TNFRSF12A: variants seen among roughly 807,000 people sequenced by gnomAD.
The protein encoded by TNFRSF12A is tumor necrosis factor receptor superfamily member 12A.
In TNFRSF12A, 13 loss-of-function variants were observed where a neutral mutation model predicts 15.5. The ratio of observed to expected loss-of-function variants is 0.84; its 90% CI spans 0.54 to 1.33. TNFRSF12A has a LOEUF of 1.33. TNFRSF12A is among the 40% of genes most tolerant of loss of function. TNFRSF12A has a pLI of 0.00. For missense variants in TNFRSF12A, 174 were observed against 173.6 expected, an observed-to-expected ratio of 1.00 and a Z score of -0.01; for synonymous variants, 89 against 78.4, an observed-to-expected ratio of 1.14 and a Z score of -0.71.
At chr16:3,020,610 C>A (rs944160024) in intron 1 of TNFRSF12A, 119 bp downstream of exon 1, 9 of 644,992 alleles carry the variant, frequency 1.4e-5, no homozygotes, top group Non-Finnish European at 2.0e-5. Flanking sequence ...GGTCAGGTGG[C>A]CTTCAAACAG....
chr16:3,021,929 A>C lies in TNFRSF12A; in HGVS notation c.*103A>C. On this transcript the variant is annotated 3_prime_UTR_variant, in exon 4 of 4. Transcript: ENST00000326577. ...ACGCGGCGGGAGCCAAGCTCCTCCA[A>C]CCACAAGGGGGGTGGGGGGCGGTGA... 11 of 1,308,006 alleles carry C rather than the reference A, an allele frequency of 8.4e-6. No homozygotes were observed. The highest frequency in any genetic ancestry group is 1.3e-5 in the South Asian group (1 of 75,130). The allele number at this position is 1,308,006 out of a possible 1,614,324, so 81.0% of individuals were successfully genotyped here.
In TNFRSF12A at chr16:3,021,857, C is replaced by T. The variant is rs568515706; in HGVS notation, c.*31C>T. The T allele has an allele frequency of 1.2e-6, 2 of 1,606,806 alleles. No homozygotes were observed. Among genetic ancestry groups the T allele is most frequent in the Admixed American group, 1.7e-5 (1 of 59,642 alleles). ...TGCCCCCTGCCAGCCGGGGCTCGCCCACTCATCATTCATTCATCCATTCTA... is the reference window on the plus strand; with the variant it reads ...TGCCCCCTGCCAGCCGGGGCTCGCCTACTCATCATTCATTCATCCATTCTA... On this transcript the variant is annotated 3_prime_UTR_variant, in exon 4 of 4. Transcript: ENST00000326577.
chr16:3,021,198 C>T lies in TNFRSF12A; in HGVS notation c.95-17C>T. 2 of 1,484,830 alleles carry T rather than the reference C, an allele frequency of 1.3e-6. No homozygotes were observed. The highest frequency in any genetic ancestry group is 1.8e-6 in the Non-Finnish European group (2 of 1,095,064). The allele number at this position is 1,484,830 out of a possible 1,614,324, so 92.0% of individuals were successfully genotyped here. On this transcript the variant is annotated splice_polypyrimidine_tract_variant and intron_variant, in intron 1 of 3. Coordinates refer to ENST00000326577, the MANE Select transcript of TNFRSF12A (RefSeq NM_016639.3). ...CGAGTCCCGCCCCCAGCCTCTGACC[C>T]GAGGCCCCCTCCCCAGGCACCGCCC...
rs997728231 is a variant in TNFRSF12A, at chr16:3,020,974, G to C, written c.95-241G>C. 5.3e-5 allele frequency: 26 copies of C among 490,864 alleles called. No homozygotes were observed. The Admixed American group carries it at 1.0e-3, about 19-fold the overall frequency. 30.4% of individuals were successfully genotyped at this position (490,864 alleles called of 1,614,324 possible). On this transcript the variant is annotated intron_variant, in intron 1 of 3. Transcript: ENST00000326577. ...GACTGGGGTCGGGCCCGGTGCCCAG[G>C]AGTGAGTCACCCGCCGGCGGCAGGG...
Position 3,022,102 on chromosome 16 carries a change from G to C in TNFRSF12A, c.*276G>C. On this transcript the variant is annotated 3_prime_UTR_variant, in exon 4 of 4. Transcript: ENST00000326577. ...CTAAGGAACTGCAGCATTTGCACAGGGGAGGGGGGTGCCCTCCTTCCTAGA... is the reference window on the plus strand; with the variant it reads ...CTAAGGAACTGCAGCATTTGCACAGCGGAGGGGGGTGCCCTCCTTCCTAGA... 2.1e-6 allele frequency: 1 copy of C among 467,522 alleles called. No individual in the cohort carries two copies. Among genetic ancestry groups the C allele is most frequent in the Non-Finnish European group, 3.7e-6 (1 of 266,692 alleles). 29.0% of individuals were successfully genotyped at this position (467,522 alleles called of 1,614,324 possible).
At chr16:3,021,395 G>C in intron 2 of TNFRSF12A, 76 bp downstream of exon 2, 3 of 1,434,770 alleles carry the variant, frequency 2.1e-6, no homozygotes, top group Non-Finnish European at 9.2e-7. Context: ...GAGCGGGGCC[G>C]AGAGCTTTGC....
chr16:3,021,364 A>G, intron 2 of TNFRSF12A, 45 bp downstream of exon 2: 2 of 1,489,482 alleles, frequency 1.3e-6, no homozygotes, highest in Non-Finnish European at 9.0e-7. Flanking sequence ...CCAGACTGGG[A>G]GGGAGGGTGG....
Position 3,021,832 on chromosome 16 carries a change from T to C in TNFRSF12A, c.*6T>C. 1 of 1,612,420 alleles carries C rather than the reference T, an allele frequency of 6.2e-7. No individual in the cohort carries two copies. The highest frequency in any genetic ancestry group is 1.1e-5 in the South Asian group (1 of 90,984). On this transcript the variant is annotated 3_prime_UTR_variant, in exon 4 of 4. Coordinates refer to ENST00000326577, the MANE Select transcript of TNFRSF12A (RefSeq NM_016639.3). ...CTGTGGCGCTGATCCAGTGACAATG[T>C]GCCCCCTGCCAGCCGGGGCTCGCCC...
chr16:3,020,509 G>C lies in TNFRSF12A; in HGVS notation c.94+18G>C. The C allele has an allele frequency of 7.8e-7, 1 of 1,287,124 alleles. No homozygotes were observed. The highest frequency in any genetic ancestry group is 2.9e-5 in the East Asian group (1 of 34,844). 79.7% of individuals were successfully genotyped at this position (1,287,124 alleles called of 1,614,324 possible). On this transcript the variant is annotated intron_variant, in intron 1 of 3. Transcript: ENST00000326577. ...AGCGCCAGGTACGCGGGACTCCGGG[G>C]TCGGGGAACCCCGGGCCGGGGCTCG...
In TNFRSF12A at chr16:3,021,777, T is replaced by C. The variant is rs774265683; in HGVS notation, c.341T>C (p.Ile114Thr). 1.2e-6 allele frequency: 2 copies of C among 1,613,202 alleles called. No individual in the cohort carries two copies. The highest frequency in any genetic ancestry group is 4.5e-5 in the East Asian group (2 of 44,868). The stretch of plus-strand genomic sequence containing the variant: ...CCCACCTCTTATCTTGCAGCCCCCA[T>C]AGAGGAGACCGGCGGAGAGGGCTGC... ...CRRREKFTTP[I>T]EETGGEGCPA... The change falls in exon 4 of 4, where the codon ATA becomes ACA. Residue 114 changes from isoleucine (I) to threonine (T), a missense_variant. By Grantham distance (89) the Ile-to-Thr change is moderately conservative. Transcript: ENST00000326577.
In TNFRSF12A at chr16:3,021,300, C is replaced by A. The variant is rs1008575216; in HGVS notation, c.180C>A (p.His60Gln). Residue 60 changes from histidine to glutamine, a missense_variant, in exon 2 of 4, where the codon CAC becomes CAA. Transcript: ENST00000326577. Reference sequence around the variant, plus strand: ...GCGCGTCTTGCAGGGCGCGACCGCACAGCGACTTCTGCCTGGGCTGTGAGT... The same window carrying A: ...GCGCGTCTTGCAGGGCGCGACCGCAAAGCGACTTCTGCCTGGGCTGTGAGT... ...MDCASCRARP[H>Q]SDFCLGCAAA... 3.2e-6 allele frequency: 5 copies of A among 1,585,500 alleles called. No homozygotes were observed. The African/African-American group carries it at 5.4e-5, about 17-fold the overall frequency.
rs1451864850 is a variant in TNFRSF12A at position 3,022,110 on chromosome 16, G to C, written c.*284G>C. Reference sequence around the variant, plus strand: ...CTGCAGCATTTGCACAGGGGAGGGGGGTGCCCTCCTTCCTAGAGGCCCTGG... The same window carrying C: ...CTGCAGCATTTGCACAGGGGAGGGGCGTGCCCTCCTTCCTAGAGGCCCTGG... On this transcript the variant is annotated 3_prime_UTR_variant, in exon 4 of 4. Transcript: ENST00000326577. 1 of 452,456 alleles carries C rather than the reference G, an allele frequency of 2.2e-6. No individual in the cohort carries two copies. Among genetic ancestry groups the C allele is most frequent in the African/African-American group, 2.0e-5 (1 of 49,258 alleles). The allele number at this position is 452,456 out of a possible 1,614,324, so 28.0% of individuals were successfully genotyped here. A position where few individuals can be genotyped will look rare whatever the true frequency, so the allele number is the denominator to read the frequency against.
Position 3,021,958 on chromosome 16 carries a change from A to C in TNFRSF12A, c.*132A>C, listed in dbSNP as rs1451785144. ...CAAGGGGGGTGGGGGGCGGTGAATCACCTCTGAGGCCTGGGCCCAGGGTTC... is the reference window on the plus strand; with the variant it reads ...CAAGGGGGGTGGGGGGCGGTGAATCCCCTCTGAGGCCTGGGCCCAGGGTTC... On this transcript the variant is annotated 3_prime_UTR_variant, in exon 4 of 4. Coordinates refer to ENST00000326577, the MANE Select transcript of TNFRSF12A (RefSeq NM_016639.3). The C allele has an allele frequency of 1.0e-6, 1 of 994,624 alleles. No individual in the cohort carries two copies. The highest frequency in any genetic ancestry group is 1.5e-6 in the Non-Finnish European group (1 of 683,894). The allele number at this position is 994,624 out of a possible 1,614,324, so 61.6% of individuals were successfully genotyped here. A position where few individuals can be genotyped will look rare whatever the true frequency, so the allele number is the denominator to read the frequency against.
Position 3,021,560 on chromosome 16 carries a change from G to T in TNFRSF12A, c.205G>T (p.Ala69Ser). 6.2e-7 allele frequency: 1 copy of T among 1,606,750 alleles called. No individual in the cohort carries two copies. The highest frequency in any genetic ancestry group is 8.5e-7 in the Non-Finnish European group (1 of 1,176,552). ...PHSDFCLGCAAAPPAPFRLLW... is the reference protein window; with the variant it reads ...PHSDFCLGCASAPPAPFRLLW... ...ACTCCGAGTCCCGCCCCCAGGCGCT[G>T]CAGCACCTCCTGCCCCCTTCCGGCT... is the stretch of plus-strand genomic sequence containing the variant. Residue 69 changes from alanine (A) to serine (S), a missense_variant, in exon 3 of 4, where the codon GCA becomes TCA. Ala to Ser is a moderately conservative substitution (Grantham distance 99, BLOSUM62 1). Coordinates refer to ENST00000326577, the MANE Select transcript of TNFRSF12A (RefSeq NM_016639.3).
chr16:3,021,865 A>T lies in TNFRSF12A; in HGVS notation c.*39A>T. ...GCCAGCCGGGGCTCGCCCACTCATC[A>T]TTCATTCATCCATTCTAGAGCCAGT... is the stretch of plus-strand genomic sequence containing the variant. On this transcript the variant is annotated 3_prime_UTR_variant, in exon 4 of 4. Coordinates refer to ENST00000326577, the MANE Select transcript of TNFRSF12A (RefSeq NM_016639.3). 1 of 1,603,496 alleles carries T rather than the reference A, an allele frequency of 6.2e-7. No homozygotes were observed. The highest frequency in any genetic ancestry group is 8.5e-7 in the Non-Finnish European group (1 of 1,176,172).
chr16:3,021,846 C>T lies in TNFRSF12A; in HGVS notation c.*20C>T, dbSNP rs749172190. 19 of 1,609,888 alleles carry T rather than the reference C, an allele frequency of 1.2e-5. No homozygotes were observed. In the Admixed American group the frequency reaches 1.8e-4, roughly 16 times the overall value. ...CAGTGACAATGTGCCCCCTGCCAGCCGGGGCTCGCCCACTCATCATTCATT... is the reference window on the plus strand; with the variant it reads ...CAGTGACAATGTGCCCCCTGCCAGCTGGGGCTCGCCCACTCATCATTCATT... On this transcript the variant is annotated 3_prime_UTR_variant, in exon 4 of 4. Transcript: ENST00000326577.
rs528594951 is a variant in TNFRSF12A, at chr16:3,022,172, G to A, written c.*346G>A. 633 of 426,338 alleles carry A rather than the reference G, an allele frequency of 1.5e-3. 4 individuals carry two copies. The highest frequency in any genetic ancestry group is 0.012 in the African/African-American group (580 of 48,956). 26.4% of individuals were successfully genotyped at this position (426,338 alleles called of 1,614,324 possible). ...ACTTGGGGGGCAGACTTGACACTAG[G>A]CCCCACTCACTCAGATGTCCTGAAA... On this transcript the variant is annotated 3_prime_UTR_variant, in exon 4 of 4. Transcript: ENST00000326577.
chr16:3,021,034 G>T (rs2072605769), intron 1 of TNFRSF12A, 181 bp from the exon 2 acceptor site: 3 of 466,268 alleles, frequency 6.4e-6, no homozygotes, highest in East Asian at 7.1e-5. Flanking sequence ...CACCCCCAGC[G>T]TCCCGCGCTA....
chr16:3,021,853 C>G lies in TNFRSF12A; in HGVS notation c.*27C>G. 1 of 1,608,316 alleles carries G rather than the reference C, an allele frequency of 6.2e-7. No individual in the cohort carries two copies. Among genetic ancestry groups the G allele is most frequent in the South Asian group, 1.1e-5 (1 of 90,746 alleles). ...AATGTGCCCCCTGCCAGCCGGGGCT[C>G]GCCCACTCATCATTCATTCATCCAT... On this transcript the variant is annotated 3_prime_UTR_variant, in exon 4 of 4. Transcript: ENST00000326577.
Sources: allele counts gnomAD v4.1 joint callset, GRCh38; gene constraint gnomAD v4.1.1; transcripts MANE v1.5; gene names NCBI Gene and HGNC (gene_info 2026-07-23, HGNC 2026-07-21).